The following AOPEP variants were observed in gnomAD, a reference collection of about 807,000 sequenced individuals.
The protein encoded by AOPEP is aminopeptidase O (putative).
AOPEP carries 77 observed loss-of-function variants against 98.1 expected under a neutral mutation model. The ratio of observed to expected loss-of-function variants is 0.78; its 90% CI spans 0.65 to 0.95. The LOEUF (loss-of-function observed/expected upper bound fraction) is 0.95, where lower values mean the gene tolerates loss of function less well. Ranked by LOEUF, AOPEP falls within the 40% of genes least tolerant of loss-of-function variation. The pLI is 0.00. For synonymous variants in AOPEP, 346 were observed against 365.3 expected (o/e 0.95, Z 0.60); for missense variants, 1,024 against 1,024.7 (o/e 1.00, Z 0.01).
At chr9:95,101,954 A>G in the AOPEP span, 2 of 1,326,522 alleles carry the variant, frequency 1.5e-6, no homozygotes, top group Non-Finnish European at 2.1e-6. Context: ...AAGAAGCCCT[A>G]TCCAGCATTT....
At chr9:94,942,363 T>C (rs534266487) in intron 7 of AOPEP, among the ~76,000 whole-genome samples, 6 of 152,310 alleles carry the variant, frequency 3.9e-5, no homozygotes, top group African/African-American at 1.4e-4. Context: ...AGTTTGTGTT[T>C]TGGCCAACAG....
intron 13 of AOPEP, among the ~76,000 whole-genome samples, chr9:95,036,631 TCTC>T (rs1189758349): frequency 6.6e-6 from 1 of 152,096 alleles, no homozygotes; most frequent in Non-Finnish European, 1.5e-5. Flanking sequence ...TTGTTTTATT[TCTC>T]CTCCTCCTCC....
At chr9:95,081,519 T>C (rs1380479553) in intron 15 of AOPEP, among the ~76,000 whole-genome samples, 2 of 152,314 alleles carry the variant, frequency 1.3e-5, no homozygotes, top group Admixed American at 6.5e-5. Flanking sequence ...AAAGGACTTT[T>C]GATAGGGTCT....
intron 5 of AOPEP, among the ~76,000 whole-genome samples, chr9:94,856,885 A>G (rs1017077238): frequency 6.6e-6 from 1 of 152,234 alleles, no homozygotes; most frequent in Non-Finnish European, 1.5e-5. Flanking sequence ...CTCATGGCCC[A>G]ACAGACAGTA....
rs150708478 is a variant in AOPEP, at chr9:95,039,617, T to A, written c.2116-21077T>A. Among the ~76,000 whole-genome samples the A allele has an allele frequency of 3.9e-3, 594 of 152,284 alleles. 7 individuals are homozygous for A. The highest frequency in any genetic ancestry group is 0.013 in the African/African-American group (557 of 41,558). The stretch of plus-strand genomic sequence containing the variant: ...GGACCATAGTTTTAAGGAATTCCTA[T>A]CCTATAATTAAATACATTTAACATA... On this transcript the variant is annotated intron_variant, in intron 13 of 16. Coordinates refer to ENST00000375315, the MANE Select transcript of AOPEP (RefSeq NM_001193329.3).
chr9:95,101,459 G>T, the AOPEP span: 1 of 560,918 alleles, frequency 1.8e-6, no homozygotes, highest in Non-Finnish European at 3.2e-6. Flanking sequence ...TGGCCGGGCG[G>T]GCACCAGGAG....
At chr9:95,075,686 G>C (rs1648734894) in intron 14 of AOPEP, among the ~76,000 whole-genome samples, 1 of 152,124 alleles carries the variant, frequency 6.6e-6, no homozygotes, top group African/African-American at 2.4e-5. Flanking sequence ...TTTGAGACCA[G>C]CCTGGGCAAC....
At chr9:94,966,116 C>T (rs1351854211) in intron 9 of AOPEP, among the ~76,000 whole-genome samples, 2 of 147,596 alleles carry the variant, frequency 1.4e-5, no homozygotes, top group Non-Finnish European at 3.0e-5. Context: ...TCTGTATTTG[C>T]AGACTTGGTT....
chr9:94,789,037 T>C (rs1845067758), intron 3 of AOPEP, among the ~76,000 whole-genome samples: 1 of 152,132 alleles, frequency 6.6e-6, no homozygotes, highest in Non-Finnish European at 1.5e-5. Flanking sequence ...CTTTTGGAGC[T>C]TCTAAGGGGT....
chr9:95,129,530 G>T, the AOPEP span, among the ~76,000 whole-genome samples: 1 of 152,170 alleles, frequency 6.6e-6, no homozygotes, highest in Non-Finnish European at 1.5e-5. Flanking sequence ...CAGAGGTCAC[G>T]CTGCAAGCCA....
At chr9:94,986,401 G>T (rs550343601) in intron 11 of AOPEP, among the ~76,000 whole-genome samples, 2 of 152,210 alleles carry the variant, frequency 1.3e-5, no homozygotes, top group South Asian at 4.2e-4. Flanking sequence ...GAATTTGGTG[G>T]GACACAATTT....
chr9:94,971,696 G>A (rs1488476702), intron 10 of AOPEP, among the ~76,000 whole-genome samples: 2 of 152,172 alleles, frequency 1.3e-5, no homozygotes. Flanking sequence ...CTCTTGCTTT[G>A]ATTTACTCAA....
chr9:94,877,085 T>G (rs2047037384), intron 5 of AOPEP, among the ~76,000 whole-genome samples: 2 of 152,304 alleles, frequency 1.3e-5, no homozygotes, highest in South Asian at 4.1e-4. Context: ...GGGGGTAATT[T>G]CAGTTATTGA....
the AOPEP span, among the ~76,000 whole-genome samples, chr9:95,097,504 C>T: frequency 5.3e-5 from 8 of 152,292 alleles, no homozygotes; most frequent in East Asian, 5.8e-4. Flanking sequence ...GAGTGGGGTC[C>T]GGAAGGGCTG....
At chr9:94,937,165 A>C (rs571572527) in intron 7 of AOPEP, among the ~76,000 whole-genome samples, 1 of 152,322 alleles carries the variant, frequency 6.6e-6, no homozygotes, top group South Asian at 2.1e-4. Flanking sequence ...TGGTCTTTCC[A>C]GTGACCAGCT....
chr9:95,101,280 G>A, the AOPEP span: 1 of 314,966 alleles, frequency 3.2e-6, no homozygotes, highest in Non-Finnish European at 6.0e-6. Flanking sequence ...CCTAAAAAGA[G>A]TCTAAAAAGA....
chr9:94,949,105 C>T (rs935850462), intron 7 of AOPEP, among the ~76,000 whole-genome samples: 2 of 152,220 alleles, frequency 1.3e-5, no homozygotes, highest in Non-Finnish European at 2.9e-5. Flanking sequence ...TCTAGATCAT[C>T]GCTTGCTGTG....
chr9:94,809,046 C>T (rs563192477), intron 5 of AOPEP, among the ~76,000 whole-genome samples: 40 of 152,318 alleles, frequency 2.6e-4, no homozygotes, highest in Non-Finnish European at 7.3e-5. Flanking sequence ...AGAACTCACT[C>T]GACAAACATG....
the AOPEP span, chr9:95,126,707 TAGA>T: frequency 1.2e-5 from 11 of 942,740 alleles, no homozygotes; most frequent in African/African-American, 1.1e-4. Flanking sequence ...TCCTTTTGGT[TAGA>T]AGAACGAACC....
Sources: allele counts gnomAD v4.1 joint callset (sites outside exome capture counted in the v4.1 genomes callset), GRCh38; gene constraint gnomAD v4.1.1; transcripts MANE v1.5; gene names NCBI Gene and HGNC (gene_info 2026-07-23, HGNC 2026-07-21).